The following ZSWIM9 variants were observed in gnomAD, a reference collection of about 807,000 sequenced individuals.
The protein encoded by ZSWIM9 is uncharacterized protein ZSWIM9.
Under a neutral mutation model 25.0 loss-of-function variants are expected in ZSWIM9, and 11 were observed. The observed-to-expected ratio is 0.44, with a 90% CI of 0.28 to 0.73. The LOEUF is 0.73. Among genes scored for constraint, ZSWIM9 ranks in the 30% least tolerant of loss-of-function variants. ZSWIM9 has a pLI of 0.16. For synonymous variants in ZSWIM9, 562 were observed against 582.1 expected (o/e 0.97, Z 0.50); for missense variants, 1,070 against 1,296.5 (o/e 0.83, Z 2.68).
intron 2 of ZSWIM9, among the ~76,000 whole-genome samples, chr19:48,172,524 GT>G (rs950315124): frequency 6.6e-6 from 1 of 151,842 alleles, no homozygotes; most frequent in Non-Finnish European, 1.5e-5. Context: ...GCTTTGTGTT[GT>G]TTTTTTGAGA....
At chr19:48,180,572 G>A (rs931271967) in intron 2 of ZSWIM9, among the ~76,000 whole-genome samples, 2 of 151,818 alleles carry the variant, frequency 1.3e-5, no homozygotes, top group African/African-American at 4.8e-5. Flanking sequence ...GCCTACCTGG[G>A]TAATCCAGAC....
Position 48,194,982 on chromosome 19 carries a change from C to A in ZSWIM9, c.918C>A (p.Arg306=). The change falls in exon 4 of 4, where the codon CGC becomes CGA. Residue 306 remains arginine (R), a synonymous_variant. Coordinates refer to ENST00000614654, the MANE Select transcript of ZSWIM9 (RefSeq NM_199341.4). The surrounding 1 kb of genome is among the most constrained non-coding windows in gnomAD (Gnocchi z 6.0). The part of the protein sequence containing the change: ...PEVAAQLPAV[R]QLLPCARVQI... ...TGGCGGCGCAGTTGCCTGCAGTGCG[C>A]CAGCTGCTGCCCTGCGCGCGCGTGC... 1 of 1,333,918 alleles carries A rather than the reference C, an allele frequency of 7.5e-7. No homozygotes were observed. The highest frequency in any genetic ancestry group is 9.6e-7 in the Non-Finnish European group (1 of 1,046,086). 82.6% of individuals were successfully genotyped at this position (1,333,918 alleles called of 1,614,324 possible).
At chr19:48,171,296 C>T (rs2036801847) in intron 1 of ZSWIM9, 4 of 985,246 alleles carry the variant, frequency 4.1e-6, no homozygotes, top group Non-Finnish European at 2.4e-6. Flanking sequence ...GATGTGGGAG[C>T]ACATCTGGAG....
chr19:48,183,130 G>A (rs528197416), intron 3 of ZSWIM9: 26 of 173,328 alleles, frequency 1.5e-4, no homozygotes, highest in South Asian at 8.0e-4. Flanking sequence ...TTTTTGAGAC[G>A]GAGTCTCACT....
At chr19:48,193,184 G>A (rs115971486) in intron 3 of ZSWIM9, 3,236 of 154,888 alleles carry the variant, frequency 0.021, 118 homozygotes, top group African/African-American at 0.071. Context: ...CCATGACCCT[G>A]TTAAATAGAC....
Position 48,197,497 on chromosome 19 carries a change from AC to A in ZSWIM9, c.*675del. The A allele has an allele frequency of 1.8e-6, 1 of 551,594 alleles. No homozygotes were observed. The highest frequency in any genetic ancestry group is 3.1e-5 in the Admixed American group (1 of 32,292). The allele number at this position is 551,594 out of a possible 1,614,324, so 34.2% of individuals were successfully genotyped here. A position where few individuals can be genotyped will look rare whatever the true frequency, so the allele number is the denominator to read the frequency against. On this transcript the variant is annotated 3_prime_UTR_variant, in exon 4 of 4. Transcript: ENST00000614654. ...TTTTCTCCAAGACCTGGAGACATCG[AC>A]CCCCATCGCCTTCTGAAGAGAGAGG...
chr19:48,189,253 G>A (rs957265192), intron 3 of ZSWIM9, among the ~76,000 whole-genome samples: 5 of 152,088 alleles, frequency 3.3e-5, no homozygotes, highest in East Asian at 1.9e-4. Context: ...CTCCACCAAC[G>A]GGTAATGGTT....
At position 48,197,521 on chromosome 19, in the gene ZSWIM9, A is replaced by C; in HGVS notation, c.*694A>C. 2.1e-6 allele frequency: 1 copy of C among 466,454 alleles called. No individual in the cohort carries two copies. The allele number at this position is 466,454 out of a possible 1,614,324, so 28.9% of individuals were successfully genotyped here. On this transcript the variant is annotated 3_prime_UTR_variant, in exon 4 of 4. Transcript: ENST00000614654. Reference sequence around the variant, plus strand: ...GACCCCCATCGCCTTCTGAAGAGAGAGGGAGGGCGGGCACTGGGGGTCAGG... The same window carrying C: ...GACCCCCATCGCCTTCTGAAGAGAGCGGGAGGGCGGGCACTGGGGGTCAGG...
Position 48,197,343 on chromosome 19 carries a change from A to G in ZSWIM9, c.*516A>G. ...CAAGCAAAGAGACAGAAATGAAGAC[A>G]TGAGGAAAAGCTGGGGGAAGCAGGA... On this transcript the variant is annotated 3_prime_UTR_variant, in exon 4 of 4. Transcript: ENST00000614654. 1.4e-6 allele frequency: 1 copy of G among 697,398 alleles called. No individual in the cohort carries two copies. 43.2% of individuals were successfully genotyped at this position (697,398 alleles called of 1,614,324 possible).
chr19:48,177,292 G>A (rs547974656), intron 2 of ZSWIM9, among the ~76,000 whole-genome samples: 4 of 152,242 alleles, frequency 2.6e-5, no homozygotes, highest in East Asian at 3.9e-4. Flanking sequence ...TGGGTAGGAC[G>A]TGGTGATGGA....
chr19:48,197,175 G>A lies in ZSWIM9; in HGVS notation c.*348G>A. Reference sequence around the variant, plus strand: ...GGGGAGGGGGAGGAAGCGATCATATGGGGAGTGTCTGGCAAGAGTAGACTG... The same window carrying A: ...GGGGAGGGGGAGGAAGCGATCATATAGGGAGTGTCTGGCAAGAGTAGACTG... On this transcript the variant is annotated 3_prime_UTR_variant, in exon 4 of 4. Transcript: ENST00000614654. 1 of 700,822 alleles carries A rather than the reference G, an allele frequency of 1.4e-6. No homozygotes were observed. Among genetic ancestry groups the A allele is most frequent in the South Asian group, 1.5e-5 (1 of 67,390 alleles). 43.4% of individuals were successfully genotyped at this position (700,822 alleles called of 1,614,324 possible). A position where few individuals can be genotyped will look rare whatever the true frequency, so the allele number is the denominator to read the frequency against.
intron 2 of ZSWIM9, chr19:48,181,240 C>G (rs1446215639): frequency 6.6e-6 from 1 of 152,160 alleles, no homozygotes; most frequent in East Asian, 1.9e-4. Flanking sequence ...TGTCCAGTCC[C>G]AAGAAACCTC....
rs777241860 is a variant in ZSWIM9 at position 48,197,272 on chromosome 19, A to C, written c.*445A>C. 65 of 701,836 alleles carry C rather than the reference A, an allele frequency of 9.3e-5. No homozygotes were observed. In the Admixed American group the frequency reaches 9.4e-4, roughly 10 times the overall value. 43.5% of individuals were successfully genotyped at this position (701,836 alleles called of 1,614,324 possible). Reference sequence around the variant, plus strand: ...AGAAGACAGATGAAGGAGAGGAGGTAAGCGAGAAAAAATGGAAAGGGGAGC... The same window carrying C: ...AGAAGACAGATGAAGGAGAGGAGGTCAGCGAGAAAAAATGGAAAGGGGAGC... On this transcript the variant is annotated 3_prime_UTR_variant, in exon 4 of 4. Coordinates refer to ENST00000614654, the MANE Select transcript of ZSWIM9 (RefSeq NM_199341.4).
rs982199605 is a variant in ZSWIM9 at position 48,195,919 on chromosome 19, G to A, written c.1855G>A (p.Val619Ile). ...LRGTQFDYER[V>I]RSLEGSPWRG... ...GGGGACCCAGTTTGACTATGAGAGG[G>A]TCAGGAGTCTTGAAGGAAGCCCCTG... is the stretch of plus-strand genomic sequence containing the variant. Residue 619 changes from valine to isoleucine, a missense_variant, in exon 4 of 4, where the codon GTC becomes ATC. Physicochemically the swap from Val to Ile is conservative, Grantham distance 29 (BLOSUM62 3). Around this residue, in one of 4 missense-constraint regions of ZSWIM9, gnomAD observed 583 missense variants for 624.7 expected, o/e 0.93. Coordinates refer to ENST00000614654, the MANE Select transcript of ZSWIM9 (RefSeq NM_199341.4). The surrounding 1 kb of genome is among the most constrained non-coding windows in gnomAD (Gnocchi z 5.8). The A allele has an allele frequency of 1.0e-5, 14 of 1,366,332 alleles. No homozygotes were observed. The highest frequency in any genetic ancestry group is 1.3e-5 in the Non-Finnish European group (14 of 1,064,718). The allele number at this position is 1,366,332 out of a possible 1,614,324, so 84.6% of individuals were successfully genotyped here.
In ZSWIM9 at chr19:48,171,972, G is replaced by C; in HGVS notation, c.170G>C (p.Arg57Pro). The C allele has an allele frequency of 1.3e-6, 2 of 1,534,886 alleles. No homozygotes were observed. The highest frequency in any genetic ancestry group is 1.7e-6 in the Non-Finnish European group (2 of 1,146,370). ...AGCTCCATGCACCTGGCGCGCTGCC[G>C]CTGGGCCAGTGCGCCCCCGCTCTAC... Reference protein sequence around the residue: ...VKSSMHLARCRWASAPPLYTL... With the variant: ...VKSSMHLARCPWASAPPLYTL... Residue 57 changes from arginine (R) to proline (P), a missense_variant, in exon 2 of 4, where the codon CGC (arginine) becomes CCC (proline). Arg to Pro is a moderately radical substitution (Grantham distance 103). Around this residue, in one of 4 missense-constraint regions of ZSWIM9, gnomAD observed 265 missense variants for 339.0 expected, o/e 0.78. Coordinates refer to ENST00000614654, the MANE Select transcript of ZSWIM9 (RefSeq NM_199341.4).
At position 48,195,859 on chromosome 19, in the gene ZSWIM9, C is replaced by T; in HGVS notation, c.1795C>T (p.Gln599Ter). The change falls in exon 4 of 4, where the codon CAG becomes TAG. Residue 599 changes from glutamine (Q) to a stop codon, truncating the protein, a stop_gained. Transcript: ENST00000614654. LOFTEE classifies it low-confidence loss of function (END_TRUNC). This position sits in a 1 kb window ranked among gnomAD's most constrained non-coding sequence, Gnocchi z 5.8. ...GLEGYTWRVAQLEDRRSTTDL... is the reference protein window; with the variant it reads ...GLEGYTWRVA ...GGAAGGGTATACCTGGAGGGTGGCC[C>T]AGCTGGAAGATCGCAGGAGTACCAC... 1 of 1,424,152 alleles carries T rather than the reference C, an allele frequency of 7.0e-7. No homozygotes were observed. The highest frequency in any genetic ancestry group is 9.1e-7 in the Non-Finnish European group (1 of 1,094,314). The allele number at this position is 1,424,152 out of a possible 1,614,324, so 88.2% of individuals were successfully genotyped here. A position where few individuals can be genotyped will look rare whatever the true frequency, so the allele number is the denominator to read the frequency against.
intron 3 of ZSWIM9, among the ~76,000 whole-genome samples, chr19:48,185,428 C>T (rs2036999837): frequency 6.6e-6 from 1 of 152,204 alleles, no homozygotes; most frequent in Non-Finnish European, 1.5e-5. Flanking sequence ...AGCCACCGTG[C>T]CCAGCCCCTT....
rs982989517 is a variant in ZSWIM9 at position 48,182,158 on chromosome 19, C to T, written c.276-297C>T. The T allele has an allele frequency of 1.1e-4, 46 of 401,244 alleles. No homozygotes were observed. Among genetic ancestry groups the T allele is most frequent in the Middle Eastern group, 6.4e-4 (1 of 1,558 alleles). 24.9% of individuals were successfully genotyped at this position (401,244 alleles called of 1,614,324 possible). A position where few individuals can be genotyped will look rare whatever the true frequency, so the allele number is the denominator to read the frequency against. ...ATAGAATTTTAGTGAACACTTACTG[C>T]TTGCCATATTCCAGACACTGTGTAG... On this transcript the variant is annotated intron_variant, in intron 2 of 3. Transcript: ENST00000614654. This position sits in a 1 kb window ranked among gnomAD's most constrained non-coding sequence, Gnocchi z 4.6.
At chr19:48,180,481 G>T (rs2036936339) in intron 2 of ZSWIM9, among the ~76,000 whole-genome samples, 1 of 151,976 alleles carries the variant, frequency 6.6e-6, no homozygotes, top group Non-Finnish European at 1.5e-5. Flanking sequence ...AAGCTAGAAG[G>T]TAGCATCTTT....
Sources: allele counts gnomAD v4.1 joint callset (sites outside exome capture counted in the v4.1 genomes callset), GRCh38; gene constraint gnomAD v4.1.1; regional missense constraint gnomAD v4.1.1; non-coding constraint Gnocchi (gnomAD v3.1); transcripts MANE v1.5; gene names NCBI Gene and HGNC (gene_info 2026-07-23, HGNC 2026-07-21).